Variants in FLNB observed in about 807,000 individuals in gnomAD.
The protein encoded by FLNB is filamin B.
Under a neutral mutation model 250.6 loss-of-function variants are expected in FLNB, and 111 were observed. The ratio of observed to expected loss-of-function variants is 0.44; its 90% confidence interval spans 0.38 to 0.52. FLNB has a LOEUF of 0.52. Ranked by LOEUF, FLNB falls within the 20% of genes least tolerant of loss-of-function variation. FLNB has a pLI of 0.00. For synonymous variants in FLNB, 1,302 were observed against 1,372.1 expected (o/e 0.95, Z 1.13); for missense variants, 2,869 against 3,447.8 (o/e 0.83, Z 4.20).
chr3:58,149,996 G>C lies in FLNB; in HGVS notation c.6238G>C (p.Val2080Leu). The C allele has an allele frequency of 6.2e-7, 1 of 1,614,270 alleles. No homozygotes were observed. Among genetic ancestry groups the C allele is most frequent in the Non-Finnish European group, 8.5e-7 (1 of 1,180,046 alleles). ...CTCCACCAAATTCGCTGACGAGCAC[G>C]TGCCTGGTATGTGCATTCCATTCCC... ...IVSTKFADEH[V>L]PGSPFTVKIS... The change falls in exon 37 of 46, where the codon GTG becomes CTG. Residue 2080 changes from valine to leucine, a missense_variant. This residue lies in a region of FLNB where 1,084 missense variants were observed against 1,315.5 expected (regional missense o/e 0.82). Transcript: ENST00000295956.
intron 1 of FLNB, among the ~76,000 whole-genome samples, chr3:58,073,659 C>T (rs1213400184): frequency 6.6e-6 from 1 of 152,042 alleles, no homozygotes; most frequent in Non-Finnish European, 1.5e-5. Context: ...GCCAGGAGTC[C>T]AGCCATGGCT....
chr3:58,141,811 A>T (rs1460241628), intron 29 of FLNB, 47 bp from the exon 30 acceptor site: 1 of 1,542,902 alleles, frequency 6.5e-7, no homozygotes, highest in East Asian at 2.2e-5. Context: ...TACTGAGTGT[A>T]TCCTTCCAGT....
chr3:58,159,662 T>G lies in FLNB; in HGVS notation c.6997T>G (p.Cys2333Gly), dbSNP rs1471519346. 10 of 1,613,402 alleles carry G rather than the reference T, an allele frequency of 6.2e-6. No individual in the cohort carries two copies. The highest frequency in any genetic ancestry group is 8.5e-6 in the Non-Finnish European group (10 of 1,179,916). The change falls in exon 42 of 46, where the codon TGC (cysteine) becomes GGC (glycine). Residue 2333 changes from cysteine to glycine, a missense_variant. By Grantham distance (159) the Cys-to-Gly change is radical. Transcript: ENST00000295956. ...VHSPSGAVEE[C>G]HVSELEPDKY... ...CAGCCCCTCTGGAGCCGTGGAGGAG[T>G]GCCACGTGTCTGAGCTGGAGCCAGG...
Position 58,108,511 on chromosome 3 carries a change from G to A in FLNB, c.1995G>A (p.Leu665=). ...AATCTGGATGCATTGTCAACAACCTGGCCGAGTTCACTGTGGATCCTAAGG... is the reference window on the plus strand; with the variant it reads ...AATCTGGATGCATTGTCAACAACCTAGCCGAGTTCACTGTGGATCCTAAGG... ...LEKSGCIVNN[L]AEFTVDPKDA... Residue 665 remains leucine, a synonymous_variant, in exon 13 of 46, where the codon CTG becomes CTA. Transcript: ENST00000295956. The A allele has an allele frequency of 6.2e-7, 1 of 1,614,152 alleles. No individual in the cohort carries two copies. Among genetic ancestry groups the A allele is most frequent in the Non-Finnish European group, 8.5e-7 (1 of 1,180,018 alleles).
chr3:58,106,741 G>A lies in FLNB; in HGVS notation c.1809G>A (p.Ser603=), dbSNP rs774536170. 1.9e-5 allele frequency: 31 copies of A among 1,614,046 alleles called. No homozygotes were observed. Among genetic ancestry groups the A allele is most frequent in the Middle Eastern group, 3.3e-4 (2 of 6,084 alleles). Residue 603 remains serine (S), a synonymous_variant, in exon 12 of 46, where the codon TCG becomes TCA. Coordinates refer to ENST00000295956, the MANE Select transcript of FLNB (RefSeq NM_001457.4). ...KIEYNDQNDG[S]CDVKYWPKEP... is the part of the protein sequence containing the mutation. ...AGTACAACGACCAGAATGATGGATC[G>A]TGTGATGTCAAATACTGGCCCAAGG...
chr3:58,148,638 T>C lies in FLNB; in HGVS notation c.5888-11T>C. On this transcript the variant is annotated splice_polypyrimidine_tract_variant and intron_variant, in intron 35 of 45. Transcript: ENST00000295956. ...ATCCCCTTACAAGCCCCAATCTGTG[T>C]TCTGGTCCAGGCATCTCCTTCATCC... is the stretch of plus-strand genomic sequence containing the variant. The C allele has an allele frequency of 1.2e-6, 2 of 1,612,546 alleles. No individual in the cohort carries two copies. Among genetic ancestry groups the C allele is most frequent in the South Asian group, 2.2e-5 (2 of 91,048 alleles).
At chr3:58,167,187 G>A (rs1157781877) in intron 43 of FLNB, among the ~76,000 whole-genome samples, 1 of 152,172 alleles carries the variant, frequency 6.6e-6, no homozygotes, top group East Asian at 1.9e-4. Context: ...TTCCTGGATG[G>A]ACACACTGTC....
At chr3:58,078,156 C>A in intron 2 of FLNB, 1 of 599,900 alleles carries the variant, frequency 1.7e-6, no homozygotes, top group Non-Finnish European at 2.1e-6. Context: ...AGGAAAAATT[C>A]AAAGTGCAGC....
intron 18 of FLNB, among the ~76,000 whole-genome samples, chr3:58,118,162 G>A (rs976885344): frequency 5.9e-5 from 9 of 152,230 alleles, no homozygotes; most frequent in Admixed American, 5.2e-4. Context: ...GTGCCACCCG[G>A]CCACCCGTGA....
chr3:58,170,038 A>G (rs1387798474), intron 45 of FLNB, among the ~76,000 whole-genome samples: 3 of 152,188 alleles, frequency 2.0e-5, no homozygotes, highest in Admixed American at 6.5e-5. Context: ...GGGTTCTGGC[A>G]TCCAGTACAC....
intron 1 of FLNB, among the ~76,000 whole-genome samples, chr3:58,015,300 A>G (rs2097104300): frequency 1.3e-5 from 2 of 152,258 alleles, no homozygotes; most frequent in East Asian, 3.9e-4. Flanking sequence ...TATCACTATG[A>G]ATATTGTGCT....
rs745789375 is a variant in FLNB at position 58,119,036 on chromosome 3, C to G, written c.2863+47C>G. 14 of 1,335,856 alleles carry G rather than the reference C, an allele frequency of 1.0e-5. No individual in the cohort carries two copies. In the Admixed American group the frequency reaches 2.0e-4, roughly 19 times the overall value. The allele number at this position is 1,335,856 out of a possible 1,614,324, so 82.8% of individuals were successfully genotyped here. Reference sequence around the variant, plus strand: ...AGATGGGTTGTTGATGACCCCCCAACGTGGCTGCTGGTTAGATTTTCTTCA... The same window carrying G: ...AGATGGGTTGTTGATGACCCCCCAAGGTGGCTGCTGGTTAGATTTTCTTCA... On this transcript the variant is annotated intron_variant, in intron 19 of 45. Transcript: ENST00000295956.
intron 43 of FLNB, chr3:58,163,612 A>C (rs1253914291): frequency 2.1e-6 from 1 of 473,038 alleles, no homozygotes; most frequent in Non-Finnish European, 3.9e-6. Flanking sequence ...CTTTCAGAAC[A>C]GGATGCTGAT....
intron 19 of FLNB, among the ~76,000 whole-genome samples, chr3:58,119,854 G>T (rs529954130): frequency 6.6e-6 from 1 of 152,286 alleles, no homozygotes; most frequent in East Asian, 1.9e-4. Context: ...ACATTTGGCT[G>T]TATTTATTTT....
At chr3:58,009,295 T>C (rs1281003469) in intron 1 of FLNB, among the ~76,000 whole-genome samples, 1 of 152,034 alleles carries the variant, frequency 6.6e-6, no homozygotes, top group Admixed American at 6.5e-5. Context: ...TGAATGGGCG[T>C]TGGCTCGGAG....
At chr3:58,157,906 G>C (rs1006821748) in intron 41 of FLNB, among the ~76,000 whole-genome samples, 1 of 152,234 alleles carries the variant, frequency 6.6e-6, no homozygotes, top group East Asian at 1.9e-4. Flanking sequence ...GTAACCAGCT[G>C]CTGCCGCAGG....
At chr3:58,082,009 T>C (rs2097209825) in intron 4 of FLNB, among the ~76,000 whole-genome samples, 1 of 146,890 alleles carries the variant, frequency 6.8e-6, no homozygotes, top group South Asian at 2.1e-4. Flanking sequence ...TGCTTGGTGA[T>C]TTTAGTGCAG....
chr3:58,083,430 G>A (rs1209823450), intron 4 of FLNB, among the ~76,000 whole-genome samples: 3 of 143,946 alleles, frequency 2.1e-5, no homozygotes, highest in Admixed American at 1.4e-4. Context: ...GCAGTGGCAC[G>A]ATCTCAGCTC....
At chr3:58,047,225 GTTAA>G (rs1343861523) in intron 1 of FLNB, among the ~76,000 whole-genome samples, 1 of 152,176 alleles carries the variant, frequency 6.6e-6, no homozygotes, top group Non-Finnish European at 1.5e-5. Context: ...ATTAGTGCAT[GTTAA>G]TTAATATAGA....
Sources: gnomAD v4.1 joint callset for allele counts (sites outside exome capture counted in the v4.1 genomes callset) on GRCh38, gnomAD v4.1.1 for gene constraint, gnomAD v4.1.1 regional missense constraint, MANE v1.5 for transcripts, NCBI Gene and HGNC (gene_info 2026-07-23, HGNC 2026-07-21) for gene names.